Variants in TTC29 observed in about 807,000 individuals in gnomAD.
The protein encoded by TTC29 is tetratricopeptide repeat domain 29.
TTC29 carries 49 observed loss-of-function variants against 58.1 expected under a neutral mutation model. The ratio of observed to expected loss-of-function variants is 0.84; its 90% CI spans 0.67 to 1.07. The LOEUF (loss-of-function observed/expected upper bound fraction) is 1.07, where lower values mean the gene tolerates loss of function less well. Ranked by LOEUF, TTC29 falls within the 50% of genes least tolerant of loss-of-function variation. The probability of loss-of-function intolerance (pLI) is 0.00; values close to 1 mark genes in which losing one functional copy is unlikely to be tolerated. For synonymous variants in TTC29, 209 were observed against 196.8 expected, an observed-to-expected ratio of 1.06 and a Z score of -0.52; for missense variants, 582 against 555.6, an observed-to-expected ratio of 1.05 and a Z score of -0.48.
intron 11 of TTC29, among the ~76,000 whole-genome samples, chr4:146,769,469 C>A (rs1289409973): frequency 6.6e-6 from 1 of 151,800 alleles, no homozygotes; most frequent in Admixed American, 6.6e-5. Flanking sequence ...AAGGATCTAC[C>A]ATTGGTTAAT....
intron 8 of TTC29, among the ~76,000 whole-genome samples, chr4:146,841,281 G>C (rs1478821161): frequency 3.3e-5 from 5 of 152,050 alleles, no homozygotes; most frequent in Non-Finnish European, 5.9e-5. Flanking sequence ...ATTCAGCGTT[G>C]TTCCTGTGCC....
At chr4:146,715,247 A>C (rs1742844751) in intron 11 of TTC29, among the ~76,000 whole-genome samples, 1 of 152,168 alleles carries the variant, frequency 6.6e-6, no homozygotes, top group Non-Finnish European at 1.5e-5. Context: ...CAATCCAGCA[A>C]TCCCACTGCT....
In TTC29 at chr4:146,707,554, A is replaced by T. The variant is rs766037364; in HGVS notation, c.1331-3T>A. 3.7e-5 allele frequency: 38 copies of T among 1,014,854 alleles called. No individual in the cohort carries two copies. The highest frequency in any genetic ancestry group is 4.9e-5 in the Non-Finnish European group (36 of 731,742). 62.9% of individuals were successfully genotyped at this position (1,014,854 alleles called of 1,614,324 possible). ...CACTGTGGATCCTCTAAACTCTTCT[A>T]AAAAAAAAATACACAAAGTTAATAG... On this transcript the variant is annotated splice_region_variant and splice_polypyrimidine_tract_variant and intron_variant, in intron 11 of 12. Transcript: ENST00000325106.
chr4:146,771,365 T>C (rs1747713704), intron 11 of TTC29, among the ~76,000 whole-genome samples: 1 of 152,080 alleles, frequency 6.6e-6, no homozygotes, highest in African/African-American at 2.4e-5. Flanking sequence ...ACCCAGGTAA[T>C]AAGCATAGTA....
At chr4:146,865,511 G>T (rs572721022) in intron 8 of TTC29, among the ~76,000 whole-genome samples, 1 of 152,152 alleles carries the variant, frequency 6.6e-6, no homozygotes. Flanking sequence ...GAGAACAATA[G>T]ACGACTAGAG....
intron 11 of TTC29, among the ~76,000 whole-genome samples, chr4:146,795,786 C>T (rs1749793193): frequency 6.6e-6 from 1 of 152,052 alleles, no homozygotes; most frequent in Admixed American, 6.6e-5. Flanking sequence ...CTAAGAAAGC[C>T]TTACCAAAAA....
intron 5 of TTC29, among the ~76,000 whole-genome samples, chr4:146,904,880 CGTAA>C (rs1483079177): frequency 6.6e-6 from 1 of 152,108 alleles, no homozygotes; most frequent in African/African-American, 2.4e-5. Context: ...TCTGCAGAAC[CGTAA>C]GTAAGTCACC....
At chr4:146,927,913 C>A (rs1389883562) in intron 4 of TTC29, among the ~76,000 whole-genome samples, 1 of 152,088 alleles carries the variant, frequency 6.6e-6, no homozygotes, top group Non-Finnish European at 1.5e-5. Context: ...AATAGAGTAC[C>A]AATGATGCAC....
At chr4:146,812,618 T>C (rs1235618104) in intron 10 of TTC29, 2 of 152,204 alleles carry the variant, frequency 1.3e-5, no homozygotes, top group African/African-American at 2.4e-5. Flanking sequence ...CAAATTGTAC[T>C]TAGTATTCCA....
chr4:146,862,896 G>C (rs553897438), intron 8 of TTC29, among the ~76,000 whole-genome samples: 1 of 152,214 alleles, frequency 6.6e-6, no homozygotes, highest in East Asian at 1.9e-4. Flanking sequence ...GCTGAGGCGG[G>C]CAGATCACAA....
At chr4:146,794,353 G>GT (rs1749682559) in intron 11 of TTC29, among the ~76,000 whole-genome samples, 1 of 152,076 alleles carries the variant, frequency 6.6e-6, no homozygotes, top group Non-Finnish European at 1.5e-5. Flanking sequence ...AACACAATTA[G>GT]TTTTTTCATA....
intron 8 of TTC29, among the ~76,000 whole-genome samples, chr4:146,838,417 T>C (rs1428552790): frequency 6.6e-6 from 1 of 151,922 alleles, no homozygotes; most frequent in Admixed American, 6.6e-5. Context: ...AAATAGAATA[T>C]CTATCTGTCT....
At chr4:146,836,565 C>T (rs1309563430) in intron 8 of TTC29, among the ~76,000 whole-genome samples, 1 of 151,846 alleles carries the variant, frequency 6.6e-6, no homozygotes, top group Non-Finnish European at 1.5e-5. Context: ...GTAGGAGGGT[C>T]TTCATTAAAA....
intron 11 of TTC29, among the ~76,000 whole-genome samples, chr4:146,788,954 A>C (rs765342321): frequency 1.3e-5 from 2 of 152,156 alleles, no homozygotes; most frequent in African/African-American, 2.4e-5. Flanking sequence ...TTTTGAACTG[A>C]TTTTTAAATA....
intron 9 of TTC29, among the ~76,000 whole-genome samples, chr4:146,831,165 G>C (rs936393266): frequency 2.0e-5 from 3 of 152,152 alleles, no homozygotes; most frequent in South Asian, 4.1e-4. Flanking sequence ...GCACTGTCTT[G>C]TGCATTGTGG....
chr4:146,767,953 T>C (rs545884964), intron 11 of TTC29, among the ~76,000 whole-genome samples: 1 of 152,200 alleles, frequency 6.6e-6, no homozygotes, highest in South Asian at 2.1e-4. Flanking sequence ...GATAAGGTGA[T>C]CTTCTAGGTC....
At chr4:146,867,160 C>A (rs1454530928) in intron 8 of TTC29, among the ~76,000 whole-genome samples, 1 of 152,112 alleles carries the variant, frequency 6.6e-6, no homozygotes, top group Non-Finnish European at 1.5e-5. Context: ...ACTGTAATTT[C>A]TTTTTTGTTA....
intron 8 of TTC29, among the ~76,000 whole-genome samples, chr4:146,862,492 GA>G (rs1730299537): frequency 6.6e-6 from 1 of 152,104 alleles, no homozygotes; most frequent in Non-Finnish European, 1.5e-5. Flanking sequence ...AAAATTTGAA[GA>G]ATGTCCTTTT....
chr4:146,709,100 A>T (rs929171009), intron 11 of TTC29, among the ~76,000 whole-genome samples: 1 of 152,132 alleles, frequency 6.6e-6, no homozygotes, highest in Non-Finnish European at 1.5e-5. Context: ...TTGTCACTGT[A>T]CTACTACTTT....
Sources: gnomAD v4.1 joint callset for allele counts (sites outside exome capture counted in the v4.1 genomes callset) on GRCh38, gnomAD v4.1.1 for gene constraint, MANE v1.5 for transcripts, NCBI Gene and HGNC (gene_info 2026-07-23, HGNC 2026-07-21) for gene names.